SIGLEC15: variants seen among roughly 807,000 people sequenced by gnomAD.
SIGLEC15 encodes sialic acid binding Ig like lectin 15.
A neutral mutation model predicts 26.2 loss-of-function variants in SIGLEC15; 31 were observed. The ratio of observed to expected loss-of-function variants is 1.18; its 90% CI spans 0.89 to 1.60. The LOEUF (loss-of-function observed/expected upper bound fraction) is 1.60, where lower values mean the gene tolerates loss of function less well. SIGLEC15 is among the 40% of genes most tolerant of loss of function. The pLI, the probability that SIGLEC15 is intolerant of heterozygous loss-of-function variation, is 0.00. For missense variants in SIGLEC15, 501 were observed against 488.4 expected, an observed-to-expected ratio of 1.03 and a Z score of -0.24; for synonymous variants, 207 against 221.9, an observed-to-expected ratio of 0.93 and a Z score of 0.60.
chr18:45,828,562 T>C (rs1403349433), intron 1 of SIGLEC15, among the ~76,000 whole-genome samples: 1 of 152,176 alleles, frequency 6.6e-6, no homozygotes. Context: ...ACAACCACTG[T>C]CATCTTCAGA....
At chr18:45,826,181 G>C (rs1342813826) in intron 1 of SIGLEC15, among the ~76,000 whole-genome samples, 1 of 152,118 alleles carries the variant, frequency 6.6e-6, no homozygotes, top group East Asian at 1.9e-4. Flanking sequence ...AGGGCGGGGA[G>C]TGCATGGGCG....
At chr18:45,837,255 C>T (rs1387064237) in intron 2 of SIGLEC15, among the ~76,000 whole-genome samples, 167 bp downstream of exon 2, 6 of 152,192 alleles carry the variant, frequency 3.9e-5, no homozygotes, top group Non-Finnish European at 8.8e-5. Flanking sequence ...GGGGAATAGT[C>T]CCAGGGAAGA....
chr18:45,838,894 G>A lies in SIGLEC15; in HGVS notation c.673G>A (p.Glu225Lys), dbSNP rs1262321434. Residue 225 changes from glutamate (E) to lysine (K), a missense_variant, in exon 4 of 6, where the codon GAA becomes AAA. Glu to Lys is a moderately conservative substitution (Grantham distance 56). Transcript: ENST00000389474. ...GGGTCACGGCCACCTAGTGACCGCC[G>A]AACTGCCCGCACTGACCCATGACGG... ...REGHGHLVTA[E>K]LPALTHDGRY... 26 of 1,597,878 alleles carry A rather than the reference G, an allele frequency of 1.6e-5. No individual in the cohort carries two copies. Among genetic ancestry groups the A allele is most frequent in the Non-Finnish European group, 2.1e-5 (25 of 1,176,080 alleles).
chr18:45,828,219 T>C (rs2048202249), intron 1 of SIGLEC15, among the ~76,000 whole-genome samples: 5 of 152,108 alleles, frequency 3.3e-5, no homozygotes, highest in Admixed American at 2.6e-4. Flanking sequence ...CCAGTCGTGG[T>C]CCCTTCCCTA....
intron 1 of SIGLEC15, 119 bp from the exon 2 acceptor site, chr18:45,836,910 A>G: frequency 1.5e-6 from 1 of 668,488 alleles, no homozygotes; most frequent in Non-Finnish European, 2.8e-6. Context: ...CAGGCTGTAG[A>G]GTGAGGCGAT....
In SIGLEC15 at chr18:45,832,604, T is replaced by C. The variant is rs186551454; in HGVS notation, c.53-4425T>C. On this transcript the variant is annotated intron_variant, in intron 1 of 5. Transcript: ENST00000389474. ...TCCCGCCATACCCTATGGCCCACCATTGAGGGAGGGTATTTTGGACAACAG... is the reference window on the plus strand; with the variant it reads ...TCCCGCCATACCCTATGGCCCACCACTGAGGGAGGGTATTTTGGACAACAG... Among the ~76,000 whole-genome samples, 3 of 152,256 alleles carry C rather than the reference T, an allele frequency of 2.0e-5. No individual in the cohort carries two copies. In the East Asian group the frequency reaches 5.8e-4, roughly 29 times the overall value.
At chr18:45,828,676 C>A (rs954365670) in intron 1 of SIGLEC15, among the ~76,000 whole-genome samples, 10 of 152,218 alleles carry the variant, frequency 6.6e-5, no homozygotes, top group African/African-American at 2.4e-4. Flanking sequence ...ACTGCCGGGG[C>A]ATCCAGCCTA....
intron 1 of SIGLEC15, chr18:45,828,976 G>A (rs2048209784): frequency 4.2e-6 from 2 of 476,022 alleles, no homozygotes; most frequent in African/African-American, 2.1e-5. Flanking sequence ...CCCAGTGGCT[G>A]TTGTGAGCAG....
chr18:45,837,152 C>G, intron 2 of SIGLEC15, 64 bp downstream of exon 2: 2 of 1,596,420 alleles, frequency 1.3e-6, no homozygotes, highest in Non-Finnish European at 1.7e-6. Context: ...CCACGAGATC[C>G]CAGGGTTTTT....
intron 1 of SIGLEC15, among the ~76,000 whole-genome samples, chr18:45,833,988 G>A (rs996668315): frequency 2.6e-5 from 4 of 152,126 alleles, no homozygotes; most frequent in African/African-American, 7.2e-5. Context: ...TGAGGACTCC[G>A]CAGAGCACTG....
At chr18:45,836,690 C>A (rs1441081440) in intron 1 of SIGLEC15, among the ~76,000 whole-genome samples, 1 of 152,256 alleles carries the variant, frequency 6.6e-6, no homozygotes, top group Non-Finnish European at 1.5e-5. Context: ...TCTGGTCTCT[C>A]AGCTCCCTCC....
In SIGLEC15 at chr18:45,842,359, T is replaced by C. The variant is rs964234801; in HGVS notation, c.*172T>C. On this transcript the variant is annotated 3_prime_UTR_variant, in exon 6 of 6. Coordinates refer to ENST00000389474, the MANE Select transcript of SIGLEC15 (RefSeq NM_213602.3). ...GCTCAAGGAGGCTCATCTGGCCTCCTATGTGGACAACCATTTCGGAGCTCC... is the reference window on the plus strand; with the variant it reads ...GCTCAAGGAGGCTCATCTGGCCTCCCATGTGGACAACCATTTCGGAGCTCC... 1.1e-5 allele frequency: 7 copies of C among 634,168 alleles called. No homozygotes were observed. In the African/African-American group the frequency reaches 1.3e-4, roughly 12 times the overall value. 39.3% of individuals were successfully genotyped at this position (634,168 alleles called of 1,614,324 possible). A position where few individuals can be genotyped will look rare whatever the true frequency, so the allele number is the denominator to read the frequency against.
intron 1 of SIGLEC15, among the ~76,000 whole-genome samples, chr18:45,829,971 C>T (rs1233835990): frequency 2.6e-5 from 4 of 152,208 alleles, no homozygotes; most frequent in African/African-American, 9.7e-5. Context: ...ACGACTACCA[C>T]GGGACTCACT....
At chr18:45,835,602 G>A (rs1449812823) in intron 1 of SIGLEC15, among the ~76,000 whole-genome samples, 1 of 152,210 alleles carries the variant, frequency 6.6e-6, no homozygotes, top group Non-Finnish European at 1.5e-5. Context: ...GTGTGATACT[G>A]TACTTCATAC....
Position 45,839,010 on chromosome 18 carries a change from G to T in SIGLEC15, c.789G>T (p.Thr263=), listed in dbSNP as rs1287714069. The stretch of plus-strand genomic sequence containing the variant: ...TCCATGGCGCCAGCGGGGCCTCGAC[G>T]GTCGCCCTCCTGCTCGGCGCTCTCG... ...FRFHGASGAS[T]VALLLGALGF... Residue 263 remains threonine (T), a synonymous_variant, in exon 4 of 6, where the codon ACG becomes ACT. Transcript: ENST00000389474. 1.9e-6 allele frequency: 3 copies of T among 1,591,458 alleles called. No individual in the cohort carries two copies. The highest frequency in any genetic ancestry group is 1.4e-5 in the African/African-American group (1 of 72,736).
chr18:45,832,693 C>A (rs1265535005), intron 1 of SIGLEC15, among the ~76,000 whole-genome samples: 1 of 152,154 alleles, frequency 6.6e-6, no homozygotes, highest in Non-Finnish European at 1.5e-5. Context: ...AGATTAGAGA[C>A]CCTACAGTAA....
chr18:45,828,557 C>T (rs1027298367), intron 1 of SIGLEC15, among the ~76,000 whole-genome samples: 1 of 152,216 alleles, frequency 6.6e-6, no homozygotes, highest in African/African-American at 2.4e-5. Flanking sequence ...CAACCACAAC[C>T]ACTGTCATCT....
At chr18:45,836,927 C>T (rs189347911) in intron 1 of SIGLEC15, 102 bp from the exon 2 acceptor site, 6 of 723,834 alleles carry the variant, frequency 8.3e-6, no homozygotes, top group African/African-American at 6.9e-5. Flanking sequence ...CGATCCTGAA[C>T]GCTGGCTTGG....
Position 45,842,252 on chromosome 18 carries a change from G to A in SIGLEC15, c.*65G>A. Reference sequence around the variant, plus strand: ...AGAACAAAGGCCAGTGCGAGGCTTGGCTGGCACAGCCAGTCCTGGTTCTCG... The same window carrying A: ...AGAACAAAGGCCAGTGCGAGGCTTGACTGGCACAGCCAGTCCTGGTTCTCG... On this transcript the variant is annotated 3_prime_UTR_variant, in exon 6 of 6. Transcript: ENST00000389474. The A allele has an allele frequency of 6.4e-7, 1 of 1,573,340 alleles. No individual in the cohort carries two copies. The highest frequency in any genetic ancestry group is 1.1e-5 in the South Asian group (1 of 90,170).
Sources: allele counts gnomAD v4.1 joint callset (sites outside exome capture counted in the v4.1 genomes callset), GRCh38; gene constraint gnomAD v4.1.1; transcripts MANE v1.5; gene names NCBI Gene and HGNC (gene_info 2026-07-23, HGNC 2026-07-21).